Variants in TIAM2 observed in about 807,000 individuals in gnomAD.
TIAM2 encodes the protein TIAM Rac1 associated GEF 2, also known as rho guanine nucleotide exchange factor TIAM2.
TIAM2 carries 80 observed loss-of-function variants against 152.9 expected under a neutral mutation model. The ratio of observed to expected loss-of-function variants is 0.52; its 90% CI spans 0.44 to 0.63. TIAM2 has a LOEUF of 0.63. Ranked by LOEUF, TIAM2 falls within the 30% of genes least tolerant of loss-of-function variation. TIAM2 has a pLI of 0.00. For missense variants in TIAM2, 1,965 were observed against 2,120.1 expected (o/e 0.93, Z 1.44); for synonymous variants, 804 against 838.0 (o/e 0.96, Z 0.70).
rs531600812 is a variant in TIAM2 at position 155,055,525 on chromosome 6, C to G, written c.-208-34764C>G. On this transcript the variant is annotated intron_variant, in intron 1 of 26. Transcript: ENST00000682666. ...GTTTGTCTTTGGAAATAGGAAATGA[C>G]TTTTGGTTTCGTACGTGAGATTTTT... Among the ~76,000 whole-genome samples, 11 of 152,260 alleles carry G rather than the reference C, an allele frequency of 7.2e-5. No individual in the cohort carries two copies. In the South Asian group the frequency reaches 2.1e-3, roughly 29 times the overall value.
chr6:155,253,280 A>G (rs940935644), intron 24 of TIAM2: 1 of 515,106 alleles, frequency 1.9e-6, no homozygotes, highest in East Asian at 3.0e-5. Context: ...TTGTTTCCTT[A>G]TTTTCCCTAT....
intron 1 of TIAM2, among the ~76,000 whole-genome samples, chr6:155,039,639 G>T (rs1304499767): frequency 6.7e-6 from 1 of 149,026 alleles, no homozygotes; most frequent in African/African-American, 2.5e-5. Flanking sequence ...GGGGCTGGGG[G>T]GTGGTTGGTG....
At chr6:155,146,768 A>ATTTTTTTTTT (rs373361803) in intron 6 of TIAM2, among the ~76,000 whole-genome samples, 71 of 135,886 alleles carry the variant, frequency 5.2e-4, no homozygotes, top group East Asian at 1.1e-3. Context: ...TGCCTGGCTA[A>ATTTTTTTTTT]TTTTTTTTTT....
rs756377615 is a variant in TIAM2, at chr6:155,183,404, C to T, written c.2968C>T (p.Leu990=). 2.0e-5 allele frequency: 32 copies of T among 1,614,062 alleles called. No individual in the cohort carries two copies. The highest frequency in any genetic ancestry group is 2.6e-5 in the Non-Finnish European group (31 of 1,180,030). Residue 990 remains leucine, a synonymous_variant, in exon 14 of 27, where the codon CTG becomes TTG. Coordinates refer to ENST00000682666, the MANE Select transcript of TIAM2 (RefSeq NM_012454.4). ...TLCTSWSDSD[L]FSRDQKSLLP... is the part of the protein sequence containing the mutation. Reference sequence around the variant, plus strand: ...GTGTACATCCTGGTCAGACAGTGACCTGTTCTCCAGGGACCAGAAGAGTCT... The same window carrying T: ...GTGTACATCCTGGTCAGACAGTGACTTGTTCTCCAGGGACCAGAAGAGTCT...
intron 4 of TIAM2, 59 bp downstream of exon 4, chr6:155,130,476 G>A: frequency 6.6e-7 from 1 of 1,509,604 alleles, no homozygotes; most frequent in Middle Eastern, 2.1e-4. Context: ...TGGAGAAGGG[G>A]AAGGTTAGTA....
At chr6:155,167,296 A>C (rs942586843) in intron 9 of TIAM2, among the ~76,000 whole-genome samples, 3 of 152,094 alleles carry the variant, frequency 2.0e-5, no homozygotes, top group Non-Finnish European at 4.4e-5. Context: ...ATCTTGGCTC[A>C]CTGCAACCTC....
intron 1 of TIAM2, among the ~76,000 whole-genome samples, chr6:155,040,385 G>A (rs1016180193): frequency 6.6e-6 from 1 of 152,204 alleles, no homozygotes; most frequent in African/African-American, 2.4e-5. Context: ...CCCATTGGAA[G>A]CAACTTGCCG....
At chr6:155,026,364 G>A (rs1583156564) in intron 1 of TIAM2, among the ~76,000 whole-genome samples, 2 of 152,082 alleles carry the variant, frequency 1.3e-5, no homozygotes, top group East Asian at 3.9e-4. Context: ...TCTTCCCAAG[G>A]TTTCCATTAA....
At chr6:155,005,118 G>A in intron 1 of TIAM2, 1 of 248,278 alleles carries the variant, frequency 4.0e-6, no homozygotes. Context: ...CCAAGGCAAG[G>A]CTCTCTCCAA....
intron 2 of TIAM2, among the ~76,000 whole-genome samples, chr6:155,103,713 G>A (rs1488370821): frequency 9.7e-6 from 1 of 103,004 alleles, no homozygotes; most frequent in Non-Finnish European, 1.7e-5. Flanking sequence ...AACAGAGTGA[G>A]ACTCTGTCTC....
chr6:155,105,502 T>C (rs774263937), intron 2 of TIAM2, among the ~76,000 whole-genome samples: 5 of 152,042 alleles, frequency 3.3e-5, no homozygotes, highest in Non-Finnish European at 7.4e-5. Flanking sequence ...CCCTATGTTG[T>C]CCAGGGTGGT....
chr6:155,183,238 G>T lies in TIAM2; in HGVS notation c.2802G>T (p.Gly934=), dbSNP rs143393741. 432 of 1,610,932 alleles carry T rather than the reference G, an allele frequency of 2.7e-4. No homozygotes were observed. In the African/African-American group the frequency reaches 4.5e-3, roughly 17 times the overall value. Residue 934 remains glycine (G), a splice_region_variant and synonymous_variant, in exon 14 of 27, where the codon GGG becomes GGT. Coordinates refer to ENST00000682666, the MANE Select transcript of TIAM2 (RefSeq NM_012454.4). ...VLPDGLAYGE[G]LRKGNEIMTL... The stretch of plus-strand genomic sequence containing the variant: ...CTGTTTCTCCTTCCTTTTTCTCAGG[G>T]CTGAGAAAGGGCAATGAGATCATGA...
intron 15 of TIAM2, among the ~76,000 whole-genome samples, chr6:155,224,286 G>A (rs985872197): frequency 1.3e-5 from 2 of 152,186 alleles, no homozygotes; most frequent in African/African-American, 4.8e-5. Flanking sequence ...TAAGTTGTGA[G>A]AAATTGTTCT....
At position 155,137,378 on chromosome 6, in the gene TIAM2, T is replaced by C. The variant is rs757614358; in HGVS notation, c.1396T>C (p.Leu466=). The part of the protein sequence containing the change: ...QNIYENFMRE[L]EMSRTNTENI... The stretch of plus-strand genomic sequence containing the variant: ...CATTTATGAGAATTTCATGCGAGAG[T>C]TGGAAATGAGCAGGACCAACACTGA... Residue 466 remains leucine, a synonymous_variant, in exon 5 of 27, where the codon TTG becomes CTG. Transcript: ENST00000682666. 4.3e-6 allele frequency: 7 copies of C among 1,613,940 alleles called. No individual in the cohort carries two copies. The highest frequency in any genetic ancestry group is 1.7e-6 in the Non-Finnish European group (2 of 1,179,986).
In TIAM2 at chr6:155,182,273, A is replaced by AAT. The variant is rs771721650; in HGVS notation, c.2755_2756insAT (p.Ile919AsnfsTer4). On this transcript the variant is annotated frameshift_variant, in exon 13 of 27. Coordinates refer to ENST00000682666, the MANE Select transcript of TIAM2 (RefSeq NM_012454.4). LOFTEE classifies it high-confidence loss of function. ...GGATGAGCGTCAGCATCTCAGCCGG[A>AAT]TATTTATAAGCGACGTTCTTCCCGA... 8.7e-6 allele frequency: 14 copies of AAT among 1,614,146 alleles called. No homozygotes were observed. In the Middle Eastern group the frequency reaches 6.6e-4, roughly 76 times the overall value.
intron 1 of TIAM2, among the ~76,000 whole-genome samples, chr6:155,029,611 C>A (rs1467626616): frequency 2.2e-5 from 2 of 89,594 alleles, no homozygotes; most frequent in African/African-American, 4.6e-5. Context: ...TTATATAACT[C>A]TGTATATATG....
At chr6:155,104,619 T>A (rs993300549) in intron 2 of TIAM2, among the ~76,000 whole-genome samples, 1 of 151,834 alleles carries the variant, frequency 6.6e-6, no homozygotes, top group Non-Finnish European at 1.5e-5. Context: ...TAGCTGGGCG[T>A]GGTGGCGGGC....
At position 155,217,348 on chromosome 6, in the gene TIAM2, C is replaced by T. The variant is rs907692429; in HGVS notation, c.3168+6041C>T. On this transcript the variant is annotated intron_variant, in intron 15 of 26. Coordinates refer to ENST00000682666, the MANE Select transcript of TIAM2 (RefSeq NM_012454.4). ...CGCTGTCACTGTTCCTTTCTCATTC[C>T]AAAATCTTTAACTTCATCTCCGAAA... Among the ~76,000 whole-genome samples, 8 of 152,254 alleles carry T rather than the reference C, an allele frequency of 5.3e-5. No homozygotes were observed. The East Asian group carries it at 1.3e-3, about 26-fold the overall frequency.
At chr6:155,021,244 T>C (rs543781262) in intron 1 of TIAM2, among the ~76,000 whole-genome samples, 81 of 152,250 alleles carry the variant, frequency 5.3e-4, no homozygotes, top group African/African-American at 1.9e-3. Flanking sequence ...GGATATAAAC[T>C]GAGAAGTGGA....
Sources: allele counts gnomAD v4.1 joint callset (sites outside exome capture counted in the v4.1 genomes callset), GRCh38; gene constraint gnomAD v4.1.1; transcripts MANE v1.5; gene names NCBI Gene and HGNC (gene_info 2026-07-23, HGNC 2026-07-21).